GLIS3: variants seen among roughly 807,000 people sequenced by gnomAD.
GLIS3 encodes the protein zinc finger protein GLIS3.
GLIS3 carries 53 observed loss-of-function variants against 78.6 expected under a neutral mutation model. The observed-to-expected ratio is 0.67, with a 90% CI of 0.54 to 0.85. The LOEUF (loss-of-function observed/expected upper bound fraction) is 0.85, where lower values mean the gene tolerates loss of function less well. GLIS3 is among the 40% of genes least tolerant of loss of function. The pLI, the probability that GLIS3 is intolerant of heterozygous loss-of-function variation, is 0.00. For missense variants in GLIS3, 1,703 were observed against 1,231.1 expected (o/e 1.38, Z -5.74); for synonymous variants, 684 against 509.9 (o/e 1.34, Z -4.60).
chr9:4,154,262 G>C (rs1384041738), intron 2 of GLIS3, among the ~76,000 whole-genome samples: 1 of 152,148 alleles, frequency 6.6e-6, no homozygotes, highest in Non-Finnish European at 1.5e-5. Context: ...TCCATCTCTT[G>C]ACATAAGAGT....
At chr9:4,276,430 AGGGG>A (rs1827008469) in intron 2 of GLIS3, among the ~76,000 whole-genome samples, 1 of 5,108 alleles carries the variant, frequency 2.0e-4, no homozygotes, top group Non-Finnish European at 3.8e-4. Flanking sequence ...AGGGGAGGGA[AGGGG>A]ACGGGAGGGG....
Position 4,223,761 on chromosome 9 carries a change from TA to T in GLIS3, c.388+62276del, listed in dbSNP as rs565980526. On this transcript the variant is annotated intron_variant, in intron 2 of 10. Coordinates refer to ENST00000381971, the MANE Select transcript of GLIS3 (RefSeq NM_001042413.2). Reference sequence around the variant, plus strand: ...AAGGTTTTGGATTTTTCTATTTGCTTAAAATACTGATTTTTTCTACATTTTC... The same window carrying T: ...AAGGTTTTGGATTTTTCTATTTGCTTAAATACTGATTTTTTCTACATTTTC... Among the ~76,000 whole-genome samples the T allele has an allele frequency of 3.6e-3, 555 of 152,296 alleles. 3 individuals carry two copies. Among genetic ancestry groups the T allele is most frequent in the Non-Finnish European group, 6.0e-3 (406 of 68,016 alleles).
the GLIS3 span, among the ~76,000 whole-genome samples, chr9:4,413,496 G>T: frequency 1.3e-5 from 2 of 152,008 alleles, no homozygotes; most frequent in Non-Finnish European, 2.9e-5. Context: ...GCTGTGTATT[G>T]TCTCAAAGCT....
chr9:4,360,875 T>G, the GLIS3 span, among the ~76,000 whole-genome samples: 1 of 152,178 alleles, frequency 6.6e-6, no homozygotes, highest in South Asian at 2.1e-4. Flanking sequence ...GTGGAGGAGC[T>G]GGCTGCTCAG....
At chr9:4,451,993 C>T in the GLIS3 span, among the ~76,000 whole-genome samples, 43 of 152,106 alleles carry the variant, frequency 2.8e-4, 1 homozygote, top group Middle Eastern at 0.02. Context: ...TCGGCTTCAT[C>T]CCTGCGATGC....
At chr9:3,837,283 A>C (rs1330472565) in intron 9 of GLIS3, among the ~76,000 whole-genome samples, 1 of 152,200 alleles carries the variant, frequency 6.6e-6, no homozygotes, top group Non-Finnish European at 1.5e-5. Flanking sequence ...GATAACACCA[A>C]ATGCTGGCAA....
rs547785510 is a variant in GLIS3, at chr9:3,863,414, T to C, written c.2298-7230A>G. Among the ~76,000 whole-genome samples the C allele has an allele frequency of 2.0e-4, 31 of 152,308 alleles. No homozygotes were observed. In the South Asian group the frequency reaches 5.8e-3, roughly 29 times the overall value. ...AACAGCCGCTGGGAAGTGTGGGTAA[T>C]TGCAACACTGTCCACTGGGGCAGGA... On this transcript the variant is annotated intron_variant, in intron 8 of 10. Transcript: ENST00000381971.
intron 4 of GLIS3, among the ~76,000 whole-genome samples, chr9:4,077,482 A>T (rs1301092606): frequency 6.6e-6 from 1 of 152,212 alleles, no homozygotes; most frequent in Non-Finnish European, 1.5e-5. Context: ...TTCTCCTCAA[A>T]AAAAGGAAAG....
At chr9:4,287,998 C>T (rs10758592) in intron 1 of GLIS3, among the ~76,000 whole-genome samples, 139,569 of 152,230 alleles carry the variant, frequency 0.92, 64,717 homozygotes, top group Non-Finnish European at 0.98. Context: ...CATCTAGTTC[C>T]GGAAAACACT....
intron 4 of GLIS3, among the ~76,000 whole-genome samples, chr9:4,037,294 T>C (rs1338984271): frequency 1.3e-5 from 2 of 152,196 alleles, no homozygotes; most frequent in African/African-American, 4.8e-5. Flanking sequence ...ATTCTAATTC[T>C]GTCACTTCCT....
the GLIS3 span, among the ~76,000 whole-genome samples, chr9:4,384,257 A>C: frequency 3.2e-4 from 48 of 152,150 alleles, no homozygotes; most frequent in Non-Finnish European, 1.2e-4. Flanking sequence ...GAATCTTTTG[A>C]AACAACAGCA....
intron 1 of GLIS3, among the ~76,000 whole-genome samples, chr9:4,295,880 T>G (rs4339696): frequency 0.64 from 96,947 of 152,100 alleles, 32,720 homozygotes; most frequent in African/African-American, 0.88. Context: ...TCAATGTCAT[T>G]TCAAAGGTTT....
At chr9:4,376,765 T>G in the GLIS3 span, among the ~76,000 whole-genome samples, 2 of 135,976 alleles carry the variant, frequency 1.5e-5, 1 homozygote, top group Non-Finnish European at 3.3e-5. Flanking sequence ...GAAAAAAGTT[T>G]TAATGAGAAT....
At chr9:4,371,765 C>G in the GLIS3 span, among the ~76,000 whole-genome samples, 1 of 152,220 alleles carries the variant, frequency 6.6e-6, no homozygotes, top group Non-Finnish European at 1.5e-5. Flanking sequence ...TAAAGTGGGT[C>G]CCCATCTCCT....
At chr9:4,153,523 C>T (rs778048473) in intron 2 of GLIS3, among the ~76,000 whole-genome samples, 1 of 152,128 alleles carries the variant, frequency 6.6e-6, no homozygotes, top group Non-Finnish European at 1.5e-5. Flanking sequence ...GAGATCACAC[C>T]ACTACACTCC....
rs74945181 is a variant in GLIS3, at chr9:4,157,656, T to C, written c.389-31715A>G. On this transcript the variant is annotated intron_variant, in intron 2 of 10. Transcript: ENST00000381971. ...CTCAGTGCTTGACTTAAATATTCAA[T>C]CCACATTTGCAGGAAATCTAAATGG... 7.3e-3 allele frequency among the ~76,000 whole-genome samples: 1,105 copies of C among 152,288 alleles called. 19 individuals carry two copies. Among genetic ancestry groups the C allele is most frequent in the African/African-American group, 0.025 (1,036 of 41,552 alleles).
chr9:3,837,448 T>A (rs1380828053), intron 9 of GLIS3, among the ~76,000 whole-genome samples: 2 of 152,230 alleles, frequency 1.3e-5, no homozygotes, highest in African/African-American at 4.8e-5. Flanking sequence ...AAAACTTATG[T>A]CCATACAAAT....
chr9:4,228,848 T>C (rs1458739657), intron 2 of GLIS3, among the ~76,000 whole-genome samples: 3 of 152,204 alleles, frequency 2.0e-5, no homozygotes, highest in African/African-American at 7.2e-5. Flanking sequence ...TGCTCTGTTA[T>C]CTCTCTGAGT....
chr9:3,919,903 T>C (rs1391033255), intron 6 of GLIS3, among the ~76,000 whole-genome samples: 1 of 151,936 alleles, frequency 6.6e-6, no homozygotes, highest in African/African-American at 2.4e-5. Flanking sequence ...AACGGGTATT[T>C]GGTGATTATT....
Sources: allele counts gnomAD v4.1 joint callset (sites outside exome capture counted in the v4.1 genomes callset), GRCh38; gene constraint gnomAD v4.1.1; transcripts MANE v1.5; gene names NCBI Gene and HGNC (gene_info 2026-07-23, HGNC 2026-07-21).